TXNL4A: variants seen among roughly 807,000 people sequenced by gnomAD.
The protein encoded by TXNL4A is thioredoxin like 4A.
In TXNL4A, 17 loss-of-function variants were observed where a neutral mutation model predicts 14.6. The observed-to-expected ratio is 1.16, with a 90% CI of 0.80 to 1.74. TXNL4A has a LOEUF of 1.74. Among genes scored for constraint, TXNL4A ranks in the 40% most tolerant of loss-of-function variants. The probability of loss-of-function intolerance (pLI) is 0.00; values close to 1 mark genes in which losing one functional copy is unlikely to be tolerated. For synonymous variants in TXNL4A, 83 were observed against 70.6 expected, an observed-to-expected ratio of 1.18 and a Z score of -0.88; for missense variants, 74 against 195.2, an observed-to-expected ratio of 0.38 and a Z score of 3.70.
In TXNL4A at chr18:79,993,591, T is replaced by C. The variant is rs1599736413; in HGVS notation, c.-60-15890A>G. ...TGTTAGTTTTGCTTAGCTGTTTTGT[T>C]GTTTCCGTCTTGTTGGGTTGTGTGT... On this transcript the variant is annotated intron_variant, in intron 1 of 2. Coordinates refer to the TXNL4A transcript ENST00000585474. The surrounding 1 kb of genome is among the most constrained non-coding windows in gnomAD (Gnocchi z 4.4). Among the ~76,000 whole-genome samples, 1 of 152,122 alleles carries C rather than the reference T, an allele frequency of 6.6e-6. No homozygotes were observed. The highest frequency in any genetic ancestry group is 1.9e-4 in the East Asian group (1 of 5,194).
chr18:79,990,399 G>C (rs933658660), upstream of TXNL4A, among the ~76,000 whole-genome samples: 2 of 152,208 alleles, frequency 1.3e-5, no homozygotes, highest in African/African-American at 4.8e-5. Flanking sequence ...GCGTGTTCAG[G>C]TTCATCTGTG....
chr18:79,996,094 ACT>A (rs1324236636), intron 1 of TXNL4A, among the ~76,000 whole-genome samples: 2 of 102,878 alleles, frequency 1.9e-5, no homozygotes, highest in Non-Finnish European at 3.6e-5. Flanking sequence ...ACAGAGCAAG[ACT>A]CTGACTCAAA....
intron 1 of TXNL4A, among the ~76,000 whole-genome samples, chr18:80,009,776 C>A (rs1487115401): frequency 1.3e-5 from 2 of 152,168 alleles, no homozygotes; most frequent in Non-Finnish European, 2.9e-5. Flanking sequence ...TTGATTCTTC[C>A]CTTGGAGCTG....
intron 1 of TXNL4A, among the ~76,000 whole-genome samples, chr18:80,024,200 A>AC (rs2051869114): frequency 6.7e-6 from 1 of 149,108 alleles, no homozygotes; most frequent in Admixed American, 6.7e-5. Context: ...AAAAAAAAAA[A>AC]CTCCCTTTTT....
intron 1 of TXNL4A, 93 bp downstream of exon 1, chr18:79,988,147 A>T: frequency 2.3e-6 from 3 of 1,304,806 alleles, no homozygotes; most frequent in Non-Finnish European, 3.0e-6. Flanking sequence ...CTCCTCGGGG[A>T]ACAGCTCGCG....
intron 2 of TXNL4A, among the ~76,000 whole-genome samples, chr18:79,975,849 AG>A (rs1441135091): frequency 6.6e-6 from 1 of 152,210 alleles, no homozygotes; most frequent in East Asian, 1.9e-4. Flanking sequence ...CCTTCAAGAG[AG>A]GAAAGAGGCA....
chr18:79,987,941 G>C (rs915864092), intron 1 of TXNL4A, among the ~76,000 whole-genome samples: 8 of 152,268 alleles, frequency 5.3e-5, no homozygotes, highest in Admixed American at 2.0e-4. Context: ...TTTGTTCACT[G>C]AACTATAAGT....
chr18:80,021,184 T>C (rs1377222735), intron 1 of TXNL4A, among the ~76,000 whole-genome samples: 2 of 67,402 alleles, frequency 3.0e-5, no homozygotes, highest in Non-Finnish European at 6.5e-5. Context: ...GGAGGGATCT[T>C]TTTTTTTTTT....
chr18:80,018,300 A>G (rs1433256176), intron 1 of TXNL4A, among the ~76,000 whole-genome samples: 1 of 152,262 alleles, frequency 6.6e-6, no homozygotes, highest in Non-Finnish European at 1.5e-5. Context: ...GAACAAAGAC[A>G]CAACATACCA....
chr18:79,978,975 T>C (rs963928256), intron 1 of TXNL4A, among the ~76,000 whole-genome samples: 7 of 149,308 alleles, frequency 4.7e-5, no homozygotes, highest in African/African-American at 1.5e-4. Flanking sequence ...TCTCGATCTG[T>C]CGCCTGGTCT....
At chr18:80,017,036 A>C (rs1420364439) in intron 1 of TXNL4A, among the ~76,000 whole-genome samples, 10 of 149,976 alleles carry the variant, frequency 6.7e-5, no homozygotes, top group Admixed American at 6.6e-5. Context: ...CTTTTATTTC[A>C]TTGAGCAGTG....
chr18:80,014,756 T>C (rs1185379945), intron 1 of TXNL4A, among the ~76,000 whole-genome samples: 2 of 152,200 alleles, frequency 1.3e-5, no homozygotes, highest in Non-Finnish European at 2.9e-5. Context: ...GTAGGGACTC[T>C]GTGTGGGGGC....
In TXNL4A at chr18:79,988,306, G is replaced by A. The variant is rs374389241; in HGVS notation, c.87C>T (p.Arg29=). 13 of 1,604,124 alleles carry A rather than the reference G, an allele frequency of 8.1e-6. No individual in the cohort carries two copies. The highest frequency in any genetic ancestry group is 1.3e-5 in the African/African-American group (1 of 74,660). Residue 29 remains arginine, a synonymous_variant, in exon 1 of 3, where the codon CGC becomes CGT. Coordinates refer to ENST00000269601, the MANE Select transcript of TXNL4A (RefSeq NM_006701.5). ...ACGTAGGATCCCAGTCGTGGCCGAAGCGGATGACGACCACGCGGTCCTCCT... is the reference window on the plus strand; with the variant it reads ...ACGTAGGATCCCAGTCGTGGCCGAAACGGATGACGACCACGCGGTCCTCCT... ...LSEEDRVVVI[R]FGHDWDPTCM...
intron 1 of TXNL4A, among the ~76,000 whole-genome samples, chr18:80,008,030 G>A (rs569388832): frequency 6.6e-6 from 1 of 152,198 alleles, no homozygotes; most frequent in South Asian, 2.1e-4. Flanking sequence ...GCACGCCTGT[G>A]GTCCCAGCTA....
chr18:79,983,596 C>G (rs1409960827), intron 1 of TXNL4A, among the ~76,000 whole-genome samples: 1 of 152,114 alleles, frequency 6.6e-6, no homozygotes, highest in Non-Finnish European at 1.5e-5. Context: ...AGTTGATTAG[C>G]ACAACAAATT....
chr18:80,027,143 C>T (rs2051889872), intron 1 of TXNL4A, among the ~76,000 whole-genome samples: 1 of 152,014 alleles, frequency 6.6e-6, no homozygotes, highest in Admixed American at 6.6e-5. Context: ...CTCAGCCATT[C>T]CCATAAAGGT....
upstream of TXNL4A, among the ~76,000 whole-genome samples, chr18:79,992,261 A>G (rs2145095694): frequency 6.6e-6 from 1 of 152,278 alleles, no homozygotes; most frequent in Admixed American, 6.5e-5. Context: ...GCCTTTTCCT[A>G]ATGGTTAGTG....
At chr18:80,032,941 C>T (rs2051932845) in intron 1 of TXNL4A, among the ~76,000 whole-genome samples, 1 of 152,132 alleles carries the variant, frequency 6.6e-6, no homozygotes, top group Admixed American at 6.6e-5. Context: ...ATTTTGTCTG[C>T]GTTATCTTAT....
At chr18:80,017,999 C>CT (rs1568380459) in intron 1 of TXNL4A, among the ~76,000 whole-genome samples, 1 of 151,344 alleles carries the variant, frequency 6.6e-6, no homozygotes, top group East Asian at 1.9e-4. Flanking sequence ...GTCCTGGACT[C>CT]TTTTTGGTTG....
Sources: allele counts gnomAD v4.1 joint callset (sites outside exome capture counted in the v4.1 genomes callset), GRCh38; gene constraint gnomAD v4.1.1; non-coding constraint Gnocchi (gnomAD v3.1); transcripts MANE v1.5; gene names NCBI Gene and HGNC (gene_info 2026-07-23, HGNC 2026-07-21).